Variants in NME7 observed in about 807,000 individuals in gnomAD.
NME7 encodes nucleoside diphosphate kinase 7.
Under a neutral mutation model 49.1 loss-of-function variants are expected in NME7, and 41 were observed. The ratio of observed to expected loss-of-function variants is 0.83; its 90% CI spans 0.65 to 1.08. The LOEUF is 1.08. Among genes scored for constraint, NME7 ranks in the 50% least tolerant of loss-of-function variants. The pLI is 0.00. For synonymous variants in NME7, 139 were observed against 150.6 expected, an observed-to-expected ratio of 0.92 and a Z score of 0.56; for missense variants, 423 against 463.4, an observed-to-expected ratio of 0.91 and a Z score of 0.80.
At chr1:169,303,430 T>C (rs961274001) in intron 4 of NME7, 1 of 235,326 alleles carries the variant, frequency 4.2e-6, no homozygotes, top group Non-Finnish European at 7.9e-6. Context: ...CTTTTCTACT[T>C]ATGTTATATA....
At position 169,324,464 on chromosome 1, in the gene NME7, A is replaced by T. The variant is rs777904985; in HGVS notation, c.40T>A (p.Tyr14Asn). ...SERFVFIAEW[Y>N]DPNASLLRRY... Reference sequence around the variant, plus strand: ...CGAAGAAGTGAAGCATTTGGATCATACCACTCTGCAATGAAAACGAATCTT... The same window carrying T: ...CGAAGAAGTGAAGCATTTGGATCATTCCACTCTGCAATGAAAACGAATCTT... The change falls in exon 2 of 12, where the codon TAT becomes AAT. Residue 14 changes from tyrosine (Y) to asparagine (N), a missense_variant. By Grantham distance (143) the Tyr-to-Asn change is moderately radical. Transcript: ENST00000367811. 2 of 1,612,948 alleles carry T rather than the reference A, an allele frequency of 1.2e-6. No homozygotes were observed. Among genetic ancestry groups the T allele is most frequent in the Admixed American group, 3.3e-5 (2 of 59,998 alleles).
At chr1:169,196,450 G>A (rs944632181) in intron 10 of NME7, among the ~76,000 whole-genome samples, 1 of 152,122 alleles carries the variant, frequency 6.6e-6, no homozygotes, top group Non-Finnish European at 1.5e-5. Flanking sequence ...AAAACTTTGT[G>A]AGAAAAGGGA....
chr1:169,167,399 T>C (rs1464456185), intron 11 of NME7, among the ~76,000 whole-genome samples: 1 of 152,104 alleles, frequency 6.6e-6, no homozygotes, highest in Admixed American at 6.5e-5. Flanking sequence ...ATAATACTCA[T>C]TAAAATAAAT....
At chr1:169,224,525 T>C (rs80215043) in intron 10 of NME7, among the ~76,000 whole-genome samples, 7,253 of 152,224 alleles carry the variant, frequency 0.048, 227 homozygotes, top group East Asian at 0.12. Context: ...TATATACATA[T>C]ATACACACAT....
rs1441908075 is a variant in NME7 at position 169,359,755 on chromosome 1, A to T, written c.3+7953T>A. Among the ~76,000 whole-genome samples the T allele has an allele frequency of 2.0e-5, 3 of 152,126 alleles. No homozygotes were observed. The East Asian group carries it at 5.8e-4, about 29-fold the overall frequency. ...GATAAAAGTTGAATTTACATCTATC[A>T]GAGAGCTCTAGAGCCATTATGTGTG... On this transcript the variant is annotated intron_variant, in intron 1 of 11. Coordinates refer to ENST00000367811, the MANE Select transcript of NME7 (RefSeq NM_013330.5).
chr1:169,294,793 T>A (rs780295934), intron 6 of NME7, among the ~76,000 whole-genome samples: 1 of 152,118 alleles, frequency 6.6e-6, no homozygotes, highest in East Asian at 1.9e-4. Context: ...TAAACGAATA[T>A]GTTTAAGACA....
chr1:169,304,799 C>T (rs1651107710), intron 4 of NME7, among the ~76,000 whole-genome samples: 1 of 152,106 alleles, frequency 6.6e-6, no homozygotes, highest in East Asian at 1.9e-4. Context: ...TGCTTATGCT[C>T]TTGCTACTAC....
At chr1:169,192,975 G>A (rs1054575248) in intron 10 of NME7, among the ~76,000 whole-genome samples, 11 of 151,916 alleles carry the variant, frequency 7.2e-5, no homozygotes, top group African/African-American at 1.9e-4. Flanking sequence ...TATATATACC[G>A]TGAGTTAATA....
chr1:169,168,077 G>C (rs914763048), intron 11 of NME7, among the ~76,000 whole-genome samples: 3 of 152,136 alleles, frequency 2.0e-5, no homozygotes, highest in African/African-American at 7.2e-5. Context: ...AACTGGTGAC[G>C]AGCGGCTTCT....
chr1:169,247,854 A>G (rs1315593706), intron 7 of NME7, among the ~76,000 whole-genome samples: 5 of 152,148 alleles, frequency 3.3e-5, no homozygotes. Context: ...CATGGTGTAT[A>G]TATATCACAT....
At chr1:169,246,059 G>C (rs1315907095) in intron 7 of NME7, among the ~76,000 whole-genome samples, 2 of 152,024 alleles carry the variant, frequency 1.3e-5, no homozygotes, top group Non-Finnish European at 2.9e-5. Flanking sequence ...AAATATTGTA[G>C]AATTATATTA....
intron 1 of NME7, among the ~76,000 whole-genome samples, chr1:169,329,182 C>A (rs867601534): frequency 9.5e-4 from 142 of 148,964 alleles, no homozygotes; most frequent in African/African-American, 3.4e-3. Flanking sequence ...CTAACAACAA[C>A]AAAAAAAAAA....
chr1:169,168,743 C>A, intron 11 of NME7: 1 of 395,714 alleles, frequency 2.5e-6, no homozygotes, highest in South Asian at 1.9e-5. Context: ...GGAGCTTCAT[C>A]GATAACAAAA....
rs1027362007 is a variant in NME7, at chr1:169,188,987, T to C, written c.991-19433A>G. ...GGACACTGTCAGTCATATAATTTGA[T>C]TGGGTGGAAGTCTAAAAGCTGAGTA... On this transcript the variant is annotated intron_variant, in intron 10 of 11. Coordinates refer to ENST00000367811, the MANE Select transcript of NME7 (RefSeq NM_013330.5). Among the ~76,000 whole-genome samples, 7 of 152,218 alleles carry C rather than the reference T, an allele frequency of 4.6e-5. No individual in the cohort carries two copies. In the East Asian group the frequency reaches 9.6e-4, roughly 21 times the overall value.
intron 3 of NME7, among the ~76,000 whole-genome samples, chr1:169,314,406 A>G (rs898370495): frequency 7.2e-5 from 11 of 152,106 alleles, no homozygotes; most frequent in Non-Finnish European, 1.3e-4. Flanking sequence ...AGTTAAGTAC[A>G]TATGTTGTAG....
At chr1:169,153,273 A>G (rs1006010227) in intron 11 of NME7, among the ~76,000 whole-genome samples, 21 of 152,196 alleles carry the variant, frequency 1.4e-4, no homozygotes, top group African/African-American at 4.3e-4. Context: ...TTAGTAAATT[A>G]AAGTTATTAT....
chr1:169,288,130 CA>C (rs1416273883), intron 6 of NME7, among the ~76,000 whole-genome samples: 1 of 152,192 alleles, frequency 6.6e-6, no homozygotes, highest in Non-Finnish European at 1.5e-5. Context: ...AGAGCCACCT[CA>C]AATACCACTT....
chr1:169,295,073 G>A (rs899258329), intron 6 of NME7, among the ~76,000 whole-genome samples: 15 of 152,116 alleles, frequency 9.9e-5, no homozygotes, highest in African/African-American at 3.6e-4. Flanking sequence ...CTGTGCACAC[G>A]CAGGCTCCCT....
chr1:169,338,136 C>G (rs1652553035), intron 1 of NME7, among the ~76,000 whole-genome samples: 1 of 152,050 alleles, frequency 6.6e-6, no homozygotes, highest in Non-Finnish European at 1.5e-5. Context: ...GTTAGCTATC[C>G]TATTTCACTT....
Sources: gnomAD v4.1 joint callset for allele counts (sites outside exome capture counted in the v4.1 genomes callset) on GRCh38, gnomAD v4.1.1 for gene constraint, MANE v1.5 for transcripts, NCBI Gene and HGNC (gene_info 2026-07-23, HGNC 2026-07-21) for gene names.